The following CDK5RAP1 variants were observed in gnomAD, a reference collection of about 807,000 sequenced individuals.
CDK5RAP1 encodes CDK5RAP1 mitochondrial tRNA methylthiotransferase.
In CDK5RAP1, 62 loss-of-function variants were observed where a neutral mutation model predicts 64.5. The ratio of observed to expected loss-of-function variants is 0.96; its 90% CI spans 0.78 to 1.19. The LOEUF (loss-of-function observed/expected upper bound fraction) is 1.19, where lower values mean the gene tolerates loss of function less well. Ranked by LOEUF, CDK5RAP1 falls within the 50% of genes most tolerant of loss-of-function variation. The pLI is 0.00. For synonymous variants in CDK5RAP1, 250 were observed against 261.9 expected (o/e 0.95, Z 0.44); for missense variants, 657 against 735.0 (o/e 0.89, Z 1.23).
At chr20:33,384,171 GA>G (rs919624604) in intron 7 of CDK5RAP1, among the ~76,000 whole-genome samples, 59 of 151,976 alleles carry the variant, frequency 3.9e-4, no homozygotes, top group African/African-American at 7.2e-4. Context: ...CTAAATGAAA[GA>G]AAAAAAATCT....
At chr20:33,363,475 T>C (rs1301138888) in intron 12 of CDK5RAP1, among the ~76,000 whole-genome samples, 1 of 152,154 alleles carries the variant, frequency 6.6e-6, no homozygotes, top group African/African-American at 2.4e-5. Flanking sequence ...CATTACAGTA[T>C]TTGGGGGTTT....
At chr20:33,391,095 G>A (rs1988253838) in intron 5 of CDK5RAP1, among the ~76,000 whole-genome samples, 1 of 151,818 alleles carries the variant, frequency 6.6e-6, no homozygotes, top group Non-Finnish European at 1.5e-5. Context: ...TTCTACAAAA[G>A]GTCAAAAAAT....
intron 5 of CDK5RAP1, among the ~76,000 whole-genome samples, chr20:33,388,737 G>A (rs1987830254): frequency 6.6e-6 from 1 of 151,980 alleles, no homozygotes; most frequent in South Asian, 2.1e-4. Flanking sequence ...TGATTCTCCT[G>A]CCTCAACCTG....
At chr20:33,393,895 C>G (rs1988608902) in intron 4 of CDK5RAP1, 137 bp downstream of exon 4, 3 of 697,946 alleles carry the variant, frequency 4.3e-6, no homozygotes, top group Non-Finnish European at 7.9e-6. Flanking sequence ...TAAAGACTAT[C>G]TCCACTGTGG....
At chr20:33,385,546 C>A in intron 7 of CDK5RAP1, 104 bp downstream of exon 7, 2 of 1,397,478 alleles carry the variant, frequency 1.4e-6, no homozygotes, top group Non-Finnish European at 2.0e-6. Context: ...AGGCATGGTC[C>A]TAAACTTTAA....
chr20:33,363,767 T>C (rs1447436185), intron 12 of CDK5RAP1, among the ~76,000 whole-genome samples: 10 of 152,034 alleles, frequency 6.6e-5, no homozygotes, highest in Non-Finnish European at 1.5e-4. Flanking sequence ...GGCGTGGTTG[T>C]ACACATTATA....
intron 11 of CDK5RAP1, among the ~76,000 whole-genome samples, chr20:33,368,459 ATTTTTTTTTTTTTT>A (rs35954744): frequency 5.9e-5 from 4 of 67,566 alleles, no homozygotes; most frequent in Non-Finnish European, 1.1e-4. Context: ...CTCTCGGCTA[ATTTTTTTTTTTTTT>A]TTTTTTTTTT....
intron 8 of CDK5RAP1, 33 bp from the exon 9 acceptor site, chr20:33,374,245 A>T (rs2146628453): frequency 7.2e-7 from 1 of 1,393,658 alleles, no homozygotes; most frequent in East Asian, 2.3e-5. Context: ...AGGTAATCAC[A>T]ATCTCACCAA....
At chr20:33,395,247 C>T in intron 2 of CDK5RAP1, 131 bp from the exon 3 acceptor site, 1 of 616,334 alleles carries the variant, frequency 1.6e-6, no homozygotes, top group Non-Finnish European at 2.9e-6. Flanking sequence ...CCTATTGCTT[C>T]AATCTTAAGA....
At chr20:33,389,858 T>A (rs188708080) in intron 5 of CDK5RAP1, among the ~76,000 whole-genome samples, 1 of 151,638 alleles carries the variant, frequency 6.6e-6, no homozygotes, top group East Asian at 1.9e-4. Context: ...TGTTCTGTAC[T>A]AAGAAAAATT....
At chr20:33,390,519 G>A (rs1188206241) in intron 5 of CDK5RAP1, among the ~76,000 whole-genome samples, 2 of 152,110 alleles carry the variant, frequency 1.3e-5, no homozygotes, top group Admixed American at 1.3e-4. Flanking sequence ...TTTGGGAAGA[G>A]AAAAAAGTCC....
intron 12 of CDK5RAP1, among the ~76,000 whole-genome samples, chr20:33,366,502 C>G (rs1015702923): frequency 6.6e-6 from 1 of 151,906 alleles, no homozygotes; most frequent in South Asian, 2.1e-4. Flanking sequence ...ATCCCAGCTA[C>G]TCGGGAGGCA....
intron 3 of CDK5RAP1, 124 bp downstream of exon 3, chr20:33,394,889 C>A: frequency 1.5e-6 from 1 of 689,216 alleles, no homozygotes. Context: ...ATGGTGAACA[C>A]TTCACCCAAG....
intron 1 of CDK5RAP1, among the ~76,000 whole-genome samples, chr20:33,397,423 A>G (rs1207110797): frequency 6.6e-6 from 1 of 152,220 alleles, no homozygotes; most frequent in African/African-American, 2.4e-5. Context: ...AAATCTTTAC[A>G]GCAATCCTAG....
rs759433834 is a variant in CDK5RAP1 at position 33,359,100 on chromosome 20, T to C, written c.1707A>G (p.Thr569=). 2 of 1,613,762 alleles carry C rather than the reference T, an allele frequency of 1.2e-6. No homozygotes were observed. The highest frequency in any genetic ancestry group is 8.5e-7 in the Non-Finnish European group (1 of 1,179,822). The change falls in exon 14 of 14, where the codon ACA becomes ACG. Residue 569 remains threonine (T), a synonymous_variant. Transcript: ENST00000346416. The stretch of plus-strand genomic sequence containing the variant: ...TCCTGCAGAGAACATGTCCCCTAAG[T>C]GTCTGAGAACTGGCTGAGGTGATCT... ...LVKITSASSQ[T]LRGHVLCRTT... is the part of the protein sequence containing the mutation.
In CDK5RAP1 at chr20:33,387,396, G is replaced by C; in HGVS notation, c.682C>G (p.Leu228Val). 1.2e-6 allele frequency: 2 copies of C among 1,614,182 alleles called. No individual in the cohort carries two copies. Among genetic ancestry groups the C allele is most frequent in the South Asian group, 2.2e-5 (2 of 91,082 alleles). ...AESGQQAANV[L>V]LSLDETYADV... ...GCATAGGTCTCGTCCAGAGAGAGCA[G>C]CACGTTGGCAGCTTGCTGGCCCGAC... is the stretch of plus-strand genomic sequence containing the variant. The change falls in exon 6 of 14, where the codon CTG becomes GTG. Residue 228 changes from leucine to valine, a missense_variant. Transcript: ENST00000346416.
chr20:33,367,165 G>C (rs1424090171), intron 11 of CDK5RAP1, among the ~76,000 whole-genome samples, 157 bp from the exon 12 acceptor site: 1 of 152,104 alleles, frequency 6.6e-6, no homozygotes, highest in African/African-American at 2.4e-5. Flanking sequence ...CTGGCTCTGG[G>C]AGCATTCCAA....
chr20:33,365,357 C>T (rs1413801084), intron 12 of CDK5RAP1, among the ~76,000 whole-genome samples: 1 of 151,570 alleles, frequency 6.6e-6, no homozygotes, highest in Non-Finnish European at 1.5e-5. Flanking sequence ...CTGCAACCTC[C>T]GCCTCCCAGG....
intron 11 of CDK5RAP1, among the ~76,000 whole-genome samples, chr20:33,369,385 A>G (rs1984605052): frequency 6.6e-6 from 1 of 151,976 alleles, no homozygotes; most frequent in African/African-American, 2.4e-5. Context: ...CGGGAGGCTG[A>G]GGCAGGAGAA....
Sources: allele counts gnomAD v4.1 joint callset (sites outside exome capture counted in the v4.1 genomes callset), GRCh38; gene constraint gnomAD v4.1.1; transcripts MANE v1.5; gene names NCBI Gene and HGNC (gene_info 2026-07-23, HGNC 2026-07-21).